GLIS3: variants seen among roughly 807,000 people sequenced by gnomAD.
GLIS3 encodes the protein zinc finger protein GLIS3.
Under a neutral mutation model 78.6 loss-of-function variants are expected in GLIS3, and 53 were observed. That is an observed-to-expected ratio of 0.67 (90% CI 0.54 to 0.85). GLIS3 has a LOEUF of 0.85. Ranked by LOEUF, GLIS3 falls within the 40% of genes least tolerant of loss-of-function variation. The pLI, the probability that GLIS3 is intolerant of heterozygous loss-of-function variation, is 0.00. For synonymous variants in GLIS3, 684 were observed against 509.9 expected (o/e 1.34, Z -4.60); for missense variants, 1,703 against 1,231.1 (o/e 1.38, Z -5.74).
chr9:4,381,057 G>A, the GLIS3 span, among the ~76,000 whole-genome samples: 26 of 152,260 alleles, frequency 1.7e-4, no homozygotes, highest in East Asian at 4.8e-3. Context: ...AAAGATAGGA[G>A]AAATTCAGTA....
At chr9:3,864,872 A>C (rs1437097509) in intron 8 of GLIS3, among the ~76,000 whole-genome samples, 1 of 152,168 alleles carries the variant, frequency 6.6e-6, no homozygotes, top group Non-Finnish European at 1.5e-5. Context: ...CACCTTATCT[A>C]GTTCTACGAG....
intron 4 of GLIS3, among the ~76,000 whole-genome samples, chr9:4,110,244 G>A (rs1160491865): frequency 6.6e-6 from 1 of 152,090 alleles, no homozygotes; most frequent in Non-Finnish European, 1.5e-5. Flanking sequence ...ACATTCCAGT[G>A]AGACAAACTC....
rs542003174 is a variant in GLIS3 at position 4,003,029 on chromosome 9, G to C, written c.1711-65840C>G. Among the ~76,000 whole-genome samples the C allele has an allele frequency of 1.4e-4, 21 of 152,262 alleles. No individual in the cohort carries two copies. In the East Asian group the frequency reaches 4.1e-3, roughly 29 times the overall value. On this transcript the variant is annotated intron_variant, in intron 4 of 10. Transcript: ENST00000381971. ...ATATTTGTTTAATCCACTGTAGTATGGTTTGGTGTTACCTGAAGCTGCAAG... is the reference window on the plus strand; with the variant it reads ...ATATTTGTTTAATCCACTGTAGTATCGTTTGGTGTTACCTGAAGCTGCAAG...
the GLIS3 span, among the ~76,000 whole-genome samples, chr9:4,393,131 G>C: frequency 1.3e-5 from 2 of 152,038 alleles, no homozygotes; most frequent in East Asian, 3.9e-4. Context: ...TGCAATAATA[G>C]TATAAGGAAC....
chr9:4,466,571 A>T, the GLIS3 span, among the ~76,000 whole-genome samples: 1 of 152,222 alleles, frequency 6.6e-6, no homozygotes, highest in Admixed American at 6.5e-5. Context: ...AACAATATAT[A>T]TAAAGGATAA....
At chr9:3,851,819 C>A (rs1289210777) in intron 9 of GLIS3, among the ~76,000 whole-genome samples, 1 of 152,128 alleles carries the variant, frequency 6.6e-6, no homozygotes, top group Non-Finnish European at 1.5e-5. Flanking sequence ...TTTAGTGTGC[C>A]TTTGCCTTAG....
chr9:3,881,296 G>A (rs1237420311), intron 7 of GLIS3, among the ~76,000 whole-genome samples: 2 of 151,966 alleles, frequency 1.3e-5, no homozygotes, highest in Non-Finnish European at 2.9e-5. Flanking sequence ...CTGCTTCAGT[G>A]TAGAAATGTG....
chr9:4,348,729 A>G (rs370484044), upstream of GLIS3, among the ~76,000 whole-genome samples: 21 of 152,322 alleles, frequency 1.4e-4, no homozygotes, highest in African/African-American at 4.8e-4. Flanking sequence ...ATTAAAAGTT[A>G]TGTTTTAGAG....
intron 4 of GLIS3, among the ~76,000 whole-genome samples, chr9:4,045,135 G>C (rs1051825972): frequency 1.3e-5 from 2 of 152,126 alleles, no homozygotes; most frequent in African/African-American, 4.8e-5. Context: ...TGAATTCCAA[G>C]TCCTGACATT....
chr9:3,951,041 C>G (rs933918578), intron 4 of GLIS3, among the ~76,000 whole-genome samples: 2 of 152,078 alleles, frequency 1.3e-5, no homozygotes, highest in Non-Finnish European at 2.9e-5. Flanking sequence ...TTTGTGAAGC[C>G]CTCTATAATT....
chr9:4,424,560 G>A, the GLIS3 span, among the ~76,000 whole-genome samples: 8 of 152,040 alleles, frequency 5.3e-5, no homozygotes, highest in Non-Finnish European at 1.0e-4. Context: ...ATTTGCTTTT[G>A]TTTTTGTTTG....
the GLIS3 span, among the ~76,000 whole-genome samples, chr9:4,467,231 CA>C: frequency 5.9e-5 from 9 of 152,166 alleles, no homozygotes; most frequent in Admixed American, 1.3e-4. Context: ...CAAAAGGTAG[CA>C]AAAACTTCTA....
intron 2 of GLIS3, among the ~76,000 whole-genome samples, chr9:4,321,521 A>G (rs1014257707): frequency 2.0e-5 from 3 of 147,630 alleles, no homozygotes; most frequent in African/African-American, 7.4e-5. Flanking sequence ...CTATTAAATT[A>G]CCCAGTGCAT....
the GLIS3 span, among the ~76,000 whole-genome samples, chr9:4,452,600 T>C: frequency 2.0e-5 from 3 of 152,186 alleles, no homozygotes; most frequent in African/African-American, 4.8e-5. Context: ...TACCTAGGAA[T>C]CCAACTTACA....
intron 4 of GLIS3, among the ~76,000 whole-genome samples, chr9:4,051,293 A>T (rs1230438034): frequency 6.6e-6 from 1 of 152,198 alleles, no homozygotes; most frequent in Non-Finnish European, 1.5e-5. Context: ...TGAAGGAAAA[A>T]GAAAGGTGTG....
chr9:4,188,446 T>C (rs2131205555), intron 2 of GLIS3, among the ~76,000 whole-genome samples: 1 of 149,738 alleles, frequency 6.7e-6, no homozygotes, highest in East Asian at 2.0e-4. Context: ...AGGATATTGG[T>C]CTAAAATTCT....
At chr9:4,093,838 A>T (rs913338830) in intron 4 of GLIS3, among the ~76,000 whole-genome samples, 1 of 152,208 alleles carries the variant, frequency 6.6e-6, no homozygotes, top group African/African-American at 2.4e-5. Flanking sequence ...TTCTTTGGCT[A>T]TGACAAGACA....
At chr9:4,293,892 C>T (rs1057065047) in intron 1 of GLIS3, among the ~76,000 whole-genome samples, 1 of 152,202 alleles carries the variant, frequency 6.6e-6, no homozygotes. Flanking sequence ...ACAAGGGTGG[C>T]CCCACCAGCT....
intron 4 of GLIS3, among the ~76,000 whole-genome samples, chr9:4,003,057 T>C (rs1437955023): frequency 6.6e-6 from 1 of 152,190 alleles, no homozygotes; most frequent in Non-Finnish European, 1.5e-5. Flanking sequence ...GCTGCAAGTA[T>C]TTCTAATTTA....
Sources: allele counts gnomAD v4.1 joint callset (sites outside exome capture counted in the v4.1 genomes callset), GRCh38; gene constraint gnomAD v4.1.1; transcripts MANE v1.5; gene names NCBI Gene and HGNC (gene_info 2026-07-23, HGNC 2026-07-21).